Variants in NXPH2 observed in about 807,000 individuals in gnomAD.
NXPH2 encodes the protein neurexophilin-2.
NXPH2 carries 5 observed loss-of-function variants against 19.8 expected under a neutral mutation model. The ratio of observed to expected loss-of-function variants is 0.25; its 90% CI spans 0.13 to 0.53. The LOEUF (loss-of-function observed/expected upper bound fraction) is 0.53. NXPH2 is among the 20% of genes least tolerant of loss of function. NXPH2 has a pLI of 0.96. For synonymous variants in NXPH2, 154 were observed against 127.4 expected (o/e 1.21, Z -1.41); for missense variants, 289 against 322.8 (o/e 0.90, Z 0.80).
At chr2:138,675,454 G>T (rs929680252) in intron 1 of NXPH2, among the ~76,000 whole-genome samples, 2 of 152,056 alleles carry the variant, frequency 1.3e-5, no homozygotes, top group African/African-American at 4.8e-5. Context: ...GATACCTTAA[G>T]AGATCCTTCT....
Position 138,780,330 on chromosome 2 carries a change from A to G in NXPH2, c.-89T>C. ...TTCGCGGGGCAGGACTGAGGACGCC[A>G]GGGACACAGCGCGGCGCTTCCCTCC... On this transcript the variant is annotated 5_prime_UTR_variant, in exon 1 of 2. Transcript: ENST00000272641. 1.1e-6 allele frequency: 1 copy of G among 906,064 alleles called. No homozygotes were observed. The highest frequency in any genetic ancestry group is 1.4e-6 in the Non-Finnish European group (1 of 716,382). 56.1% of individuals were successfully genotyped at this position (906,064 alleles called of 1,614,324 possible).
intron 1 of NXPH2, among the ~76,000 whole-genome samples, chr2:138,701,910 A>C (rs1680929216): frequency 6.6e-6 from 1 of 152,146 alleles, no homozygotes. Flanking sequence ...CCACCCACAC[A>C]GGCAGTTGGC....
chr2:138,708,499 A>T (rs1681051543), intron 1 of NXPH2, among the ~76,000 whole-genome samples: 1 of 152,254 alleles, frequency 6.6e-6, no homozygotes. Flanking sequence ...ACTGAAAACT[A>T]TTAAACCAGC....
chr2:138,707,684 T>C (rs1418878971), intron 1 of NXPH2, among the ~76,000 whole-genome samples: 2 of 152,204 alleles, frequency 1.3e-5, no homozygotes, highest in Non-Finnish European at 2.9e-5. Context: ...CAACTTTAGT[T>C]TATTTTCAAC....
intron 1 of NXPH2, among the ~76,000 whole-genome samples, chr2:138,731,785 C>T (rs1053456261): frequency 1.3e-5 from 2 of 151,982 alleles, no homozygotes; most frequent in African/African-American, 4.8e-5. Flanking sequence ...TGGACCAGCA[C>T]AAGCAGGAGA....
chr2:138,676,950 C>A (rs1680493102), intron 1 of NXPH2, among the ~76,000 whole-genome samples: 3 of 152,196 alleles, frequency 2.0e-5, no homozygotes, highest in Admixed American at 2.0e-4. Flanking sequence ...TCTTTGCCAA[C>A]AAAATGTGTT....
chr2:138,695,106 G>T (rs1368036919), intron 1 of NXPH2, among the ~76,000 whole-genome samples: 1 of 152,094 alleles, frequency 6.6e-6, no homozygotes. Flanking sequence ...TATGCAGTTC[G>T]CTGTTGACTA....
At chr2:138,709,391 G>C (rs1443778697) in intron 1 of NXPH2, among the ~76,000 whole-genome samples, 8 of 152,000 alleles carry the variant, frequency 5.3e-5, no homozygotes, top group Non-Finnish European at 1.0e-4. Flanking sequence ...GAGCAGTTTT[G>C]AGTTCACAGC....
At chr2:138,755,568 T>C (rs960983384) in intron 1 of NXPH2, among the ~76,000 whole-genome samples, 1 of 152,162 alleles carries the variant, frequency 6.6e-6, no homozygotes, top group East Asian at 1.9e-4. Context: ...CCATGGTGTA[T>C]TGAATACTAC....
chr2:138,687,559 A>T (rs905879335), intron 1 of NXPH2, among the ~76,000 whole-genome samples: 3 of 152,064 alleles, frequency 2.0e-5, no homozygotes, highest in African/African-American at 7.2e-5. Context: ...GTGTAATTAG[A>T]TCCCATTTGT....
chr2:138,771,367 T>G (rs1044860347), intron 1 of NXPH2, among the ~76,000 whole-genome samples: 1 of 151,796 alleles, frequency 6.6e-6, no homozygotes, highest in African/African-American at 2.4e-5. Context: ...ATCCATAATA[T>G]CTGGAAAGAC....
Position 138,758,255 on chromosome 2 carries a change from T to C in NXPH2, c.51+21936A>G, listed in dbSNP as rs1252918521. On this transcript the variant is annotated intron_variant, in intron 1 of 1. Transcript: ENST00000272641. ...ATTTCCTAGGGTCTATCTATAATAC[T>C]ATTAAATAGTATTACTGAGGATCTA... is the stretch of plus-strand genomic sequence containing the variant. 2.6e-5 allele frequency among the ~76,000 whole-genome samples: 4 copies of C among 152,136 alleles called. No homozygotes were observed. The South Asian group carries it at 6.2e-4, about 24-fold the overall frequency.
chr2:138,760,114 T>A (rs541169144), intron 1 of NXPH2, among the ~76,000 whole-genome samples: 4 of 152,256 alleles, frequency 2.6e-5, no homozygotes, highest in South Asian at 4.1e-4. Flanking sequence ...TTATTTTAAA[T>A]AAAAAAATTA....
At chr2:138,717,246 C>A (rs1459834315) in intron 1 of NXPH2, among the ~76,000 whole-genome samples, 3 of 152,108 alleles carry the variant, frequency 2.0e-5, no homozygotes, top group Non-Finnish European at 4.4e-5. Context: ...CCCTATGACC[C>A]TGTAGCAACA....
At chr2:138,779,396 G>A (rs1430638796) in intron 1 of NXPH2, among the ~76,000 whole-genome samples, 1 of 152,186 alleles carries the variant, frequency 6.6e-6, no homozygotes, top group Non-Finnish European at 1.5e-5. Context: ...ATATCAGGAG[G>A]AGGAGAGCGT....
At chr2:138,707,916 C>T (rs1251772348) in intron 1 of NXPH2, among the ~76,000 whole-genome samples, 1 of 152,138 alleles carries the variant, frequency 6.6e-6, no homozygotes, top group Non-Finnish European at 1.5e-5. Context: ...AGACTTGTGT[C>T]TGCCCTTTTA....
At chr2:138,712,202 C>T (rs1403624473) in intron 1 of NXPH2, among the ~76,000 whole-genome samples, 4 of 151,996 alleles carry the variant, frequency 2.6e-5, no homozygotes, top group African/African-American at 9.7e-5. Context: ...TTTACAGCAA[C>T]AGCTAGAACC....
At chr2:138,729,256 T>G (rs1018025070) in intron 1 of NXPH2, among the ~76,000 whole-genome samples, 1 of 152,166 alleles carries the variant, frequency 6.6e-6, no homozygotes, top group Non-Finnish European at 1.5e-5. Flanking sequence ...ATGGGGGTGG[T>G]TTCCCTCATG....
intron 1 of NXPH2, among the ~76,000 whole-genome samples, chr2:138,691,193 A>C (rs1194687077): frequency 1.3e-5 from 2 of 152,220 alleles, no homozygotes; most frequent in African/African-American, 4.8e-5. Context: ...GGAAAAAATT[A>C]ATAAGTACTT....
Sources: allele counts gnomAD v4.1 joint callset (sites outside exome capture counted in the v4.1 genomes callset), GRCh38; gene constraint gnomAD v4.1.1; transcripts MANE v1.5; gene names NCBI Gene and HGNC (gene_info 2026-07-23, HGNC 2026-07-21).